Variants in ZNF700 observed in about 807,000 individuals in gnomAD.
ZNF700 encodes the protein zinc finger protein 700.
ZNF700 carries 38 observed loss-of-function variants against 65.3 expected under a neutral mutation model. That is an observed-to-expected ratio of 0.58 (90% CI 0.45 to 0.76). ZNF700 has a LOEUF of 0.76. Ranked by LOEUF, ZNF700 falls within the 30% of genes least tolerant of loss-of-function variation. ZNF700 has a pLI of 0.00. For synonymous variants in ZNF700, 285 were observed against 290.4 expected, an observed-to-expected ratio of 0.98 and a Z score of 0.19; for missense variants, 857 against 888.4, an observed-to-expected ratio of 0.96 and a Z score of 0.45.
intron 1 of ZNF700, among the ~76,000 whole-genome samples, 196 bp downstream of exon 1, chr19:11,925,469 T>C (rs946049612): frequency 1.3e-5 from 2 of 152,092 alleles, no homozygotes; most frequent in Non-Finnish European, 2.9e-5. Flanking sequence ...GGGCGTCCTG[T>C]CCCGTCCCTG....
intron 1 of ZNF700, among the ~76,000 whole-genome samples, chr19:11,933,745 T>A (rs1331580478): frequency 1.4e-5 from 2 of 147,364 alleles, no homozygotes; most frequent in Admixed American, 6.7e-5. Flanking sequence ...CTAAAAAAAA[T>A]TTTGTTTTTG....
intron 3 of ZNF700, 72 bp downstream of exon 3, chr19:11,947,646 A>G: frequency 7.5e-7 from 1 of 1,337,444 alleles, no homozygotes; most frequent in Non-Finnish European, 1.1e-6. Context: ...GTTGAAGAGA[A>G]GTAAAACAAA....
At chr19:11,933,227 AG>A (rs1437126449) in intron 1 of ZNF700, among the ~76,000 whole-genome samples, 2 of 146,160 alleles carry the variant, frequency 1.4e-5, no homozygotes, top group Admixed American at 6.7e-5. Flanking sequence ...AGGCCAGCCT[AG>A]GCAACATAGC....
chr19:11,931,638 A>T (rs1303728896), intron 1 of ZNF700, among the ~76,000 whole-genome samples: 1 of 148,442 alleles, frequency 6.7e-6, no homozygotes, highest in Non-Finnish European at 1.5e-5. Context: ...TGTAAATTTC[A>T]TAAAATATAA....
intron 1 of ZNF700, among the ~76,000 whole-genome samples, chr19:11,941,710 C>G (rs894036327): frequency 2.6e-4 from 40 of 152,220 alleles, no homozygotes; most frequent in African/African-American, 8.9e-4. Context: ...AGGGAGCCGG[C>G]TCCCGCCTTG....
chr19:11,937,550 G>A (rs1216372100), intron 1 of ZNF700, among the ~76,000 whole-genome samples: 2 of 147,450 alleles, frequency 1.4e-5, no homozygotes, highest in Non-Finnish European at 3.0e-5. Flanking sequence ...GTGCAGTGGC[G>A]CCATCTCGGC....
rs575599946 is a variant in ZNF700, at chr19:11,950,593, T to G, written c.*340T>G. On this transcript the variant is annotated 3_prime_UTR_variant, in exon 4 of 4. Coordinates refer to ENST00000254321, the MANE Select transcript of ZNF700 (RefSeq NM_144566.3). ...TCGCACCTTCAACGGCATGGAAGGGTTCACACTTGGGAGAAACTCTATGAA... is the reference window on the plus strand; with the variant it reads ...TCGCACCTTCAACGGCATGGAAGGGGTCACACTTGGGAGAAACTCTATGAA... The G allele has an allele frequency of 1.5e-4, 71 of 476,556 alleles. No homozygotes were observed. The highest frequency in any genetic ancestry group is 1.3e-3 in the African/African-American group (66 of 50,320). The allele number at this position is 476,556 out of a possible 1,614,324, so 29.5% of individuals were successfully genotyped here.
At chr19:11,926,645 T>G (rs1381172574) in intron 1 of ZNF700, 2 of 154,246 alleles carry the variant, frequency 1.3e-5, no homozygotes, top group African/African-American at 4.8e-5. Flanking sequence ...CACCTCAGCC[T>G]CCCAAAGTGC....
chr19:11,947,889 T>C (rs1972986783), intron 3 of ZNF700, among the ~76,000 whole-genome samples: 1 of 152,058 alleles, frequency 6.6e-6, no homozygotes, highest in East Asian at 1.9e-4. Context: ...GCATCGGTAG[T>C]CCCAGCTACT....
At chr19:11,945,692 G>A (rs1367130613) in intron 1 of ZNF700, among the ~76,000 whole-genome samples, 4 of 151,994 alleles carry the variant, frequency 2.6e-5, no homozygotes, top group Non-Finnish European at 2.9e-5. Context: ...GACCTGGCTC[G>A]GTTAAGAAAA....
chr19:11,940,830 T>TC lies in ZNF700; in HGVS notation c.64-6344dup, dbSNP rs925789900. On this transcript the variant is annotated intron_variant, in intron 1 of 3. Coordinates refer to ENST00000254321, the MANE Select transcript of ZNF700 (RefSeq NM_144566.3). ...GAGCTAGACACAAAGGTTCTCCACG[T>TC]CCCCCCCAGATTAGCTAGATACAGA... Among the ~76,000 whole-genome samples, 8 of 151,754 alleles carry TC rather than the reference T, an allele frequency of 5.3e-5. No individual in the cohort carries two copies. In the Middle Eastern group the frequency reaches 0.01, roughly 194 times the overall value.
intron 1 of ZNF700, among the ~76,000 whole-genome samples, chr19:11,926,029 A>G (rs974549774): frequency 2.6e-5 from 4 of 152,262 alleles, no homozygotes; most frequent in African/African-American, 9.6e-5. Flanking sequence ...GGGATTCTGT[A>G]GGTGGCAGCT....
intron 1 of ZNF700, 78 bp downstream of exon 1, chr19:11,925,351 C>T: frequency 1.3e-6 from 2 of 1,584,568 alleles, no homozygotes; most frequent in Non-Finnish European, 8.6e-7. Context: ...TGGCGGGACC[C>T]GGGCCTCCCT....
chr19:11,949,896 A>T lies in ZNF700; in HGVS notation c.1872A>T (p.Gln624His). 1 of 1,614,050 alleles carries T rather than the reference A, an allele frequency of 6.2e-7. No individual in the cohort carries two copies. The highest frequency in any genetic ancestry group is 8.5e-7 in the Non-Finnish European group (1 of 1,179,984). The change falls in exon 4 of 4, where the codon CAA (glutamine) becomes CAT (histidine). Residue 624 changes from glutamine (Q) to histidine (H), a missense_variant. Around this residue, in one of 3 missense-constraint regions of ZNF700, gnomAD observed 251 missense variants for 250.3 expected, o/e 1.00. Transcript: ENST00000254321. The stretch of plus-strand genomic sequence containing the variant: ...GAGAGAAACCCTATGAGTGTAAGCA[A>T]TGTGGGAAAGCCTTCAGATCTGCCT... ...HTGEKPYECK[Q>H]CGKAFRSASN...
At chr19:11,946,276 T>C (rs279260) in intron 1 of ZNF700, among the ~76,000 whole-genome samples, 30,798 of 152,088 alleles carry the variant, frequency 0.2, 7,156 homozygotes, top group African/African-American at 0.57. Flanking sequence ...CTCTTGTCTG[T>C]TCTGGGTGGT....
intron 1 of ZNF700, among the ~76,000 whole-genome samples, chr19:11,937,611 C>T (rs753097080): frequency 1.8e-4 from 28 of 151,592 alleles, no homozygotes; most frequent in Non-Finnish European, 3.4e-4. Flanking sequence ...GCCTCAGCCT[C>T]CCGAGTAACT....
chr19:11,941,102 A>C (rs1483698132), intron 1 of ZNF700, among the ~76,000 whole-genome samples: 1 of 152,202 alleles, frequency 6.6e-6, no homozygotes, highest in Non-Finnish European at 1.5e-5. Flanking sequence ...TGAGCTAGAC[A>C]CAGGGTGCTG....
chr19:11,941,295 G>T (rs183009851), intron 1 of ZNF700, among the ~76,000 whole-genome samples: 2 of 152,240 alleles, frequency 1.3e-5, no homozygotes, highest in African/African-American at 4.8e-5. Context: ...CCATGCGCCC[G>T]CACTCCTCAG....
rs181074027 is a variant in ZNF700 at position 11,949,772 on chromosome 19, A to G, written c.1748A>G (p.Glu583Gly). The G allele has an allele frequency of 9.6e-4, 1,541 of 1,613,058 alleles. 6 individuals carry two copies. Among genetic ancestry groups the G allele is most frequent in the South Asian group, 2.7e-3 (250 of 90,960 alleles). ...TCTGCCTCACACCTTCGAATGCATG[A>G]AAGGACTCACACTGGAGAGAAACCC... ...FRSASHLRMH[E>G]RTHTGEKPYE... Residue 583 changes from glutamate (E) to glycine (G), a missense_variant, in exon 4 of 4, where the codon GAA (glutamate) becomes GGA (glycine). This residue lies in a region of ZNF700 where 251 missense variants were observed against 250.3 expected (regional missense o/e 1.00). Transcript: ENST00000254321.
Sources: gnomAD v4.1 joint callset for allele counts (sites outside exome capture counted in the v4.1 genomes callset) on GRCh38, gnomAD v4.1.1 for gene constraint, gnomAD v4.1.1 regional missense constraint, MANE v1.5 for transcripts, NCBI Gene and HGNC (gene_info 2026-07-23, HGNC 2026-07-21) for gene names.